ZNF407: variants seen among roughly 807,000 people sequenced by gnomAD.
ZNF407 encodes zinc finger protein 407.
In ZNF407, 17 loss-of-function variants were observed where a neutral mutation model predicts 131.2. The ratio of observed to expected loss-of-function variants is 0.13; its 90% CI spans 0.09 to 0.19. The LOEUF (loss-of-function observed/expected upper bound fraction) is 0.19. Among genes scored for constraint, ZNF407 ranks in the 10% least tolerant of loss-of-function variants. ZNF407 has a pLI of 1.00. For missense variants in ZNF407, 2,681 were observed against 2,830.6 expected (o/e 0.95, Z 1.20); for synonymous variants, 1,156 against 1,062.0 (o/e 1.09, Z -1.72).
At chr18:75,032,077 A>C (rs1217661872) in intron 8 of ZNF407, among the ~76,000 whole-genome samples, 1 of 152,178 alleles carries the variant, frequency 6.6e-6, no homozygotes, top group Non-Finnish European at 1.5e-5. Context: ...AGAAGTAGAG[A>C]CCAGCGGAAT....
chr18:74,724,574 A>G (rs1396579245), intron 3 of ZNF407, among the ~76,000 whole-genome samples: 1 of 152,012 alleles, frequency 6.6e-6, no homozygotes, highest in Non-Finnish European at 1.5e-5. Context: ...TCATGCACAC[A>G]CACGTGAAAT....
intron 8 of ZNF407, among the ~76,000 whole-genome samples, chr18:75,031,774 A>G (rs760906021): frequency 6.6e-6 from 1 of 152,210 alleles, no homozygotes; most frequent in African/African-American, 2.4e-5. Flanking sequence ...CCAAAGTTGT[A>G]CACAAGGTAA....
chr18:74,835,017 TAGG>T (rs1970535789), intron 4 of ZNF407, among the ~76,000 whole-genome samples: 1 of 152,192 alleles, frequency 6.6e-6, no homozygotes, highest in Middle Eastern at 3.2e-3. Context: ...TGCAGATAGA[TAGG>T]AGGCAAATTC....
chr18:74,637,905 A>G (rs538216676), intron 2 of ZNF407, among the ~76,000 whole-genome samples: 2 of 152,334 alleles, frequency 1.3e-5, no homozygotes, highest in Non-Finnish European at 2.9e-5. Context: ...CGTAGGAAAA[A>G]GGATCCTAGA....
At chr18:74,903,897 T>G (rs1357602199) in intron 7 of ZNF407, among the ~76,000 whole-genome samples, 1 of 152,200 alleles carries the variant, frequency 6.6e-6, no homozygotes, top group Non-Finnish European at 1.5e-5. Flanking sequence ...AATGTTTTGG[T>G]AGTCACATAT....
intron 3 of ZNF407, among the ~76,000 whole-genome samples, chr18:74,674,236 C>T: frequency 6.6e-6 from 1 of 152,192 alleles, no homozygotes. Context: ...GAAACCAGTG[C>T]TGTGCTGGAG....
chr18:74,914,565 A>T (rs1316193287), intron 7 of ZNF407, among the ~76,000 whole-genome samples: 3 of 152,218 alleles, frequency 2.0e-5, no homozygotes, highest in Non-Finnish European at 2.9e-5. Flanking sequence ...AAAGAAAAAG[A>T]TAATGCATAG....
chr18:74,820,229 G>A (rs1214459232), intron 4 of ZNF407, among the ~76,000 whole-genome samples: 1 of 152,206 alleles, frequency 6.6e-6, no homozygotes, highest in Non-Finnish European at 1.5e-5. Flanking sequence ...CACAAAACCT[G>A]GGGAGGGCAG....
chr18:74,936,449 A>G (rs1402491119), intron 8 of ZNF407, among the ~76,000 whole-genome samples: 2 of 152,192 alleles, frequency 1.3e-5, no homozygotes, highest in African/African-American at 4.8e-5. Flanking sequence ...GTGTTTGTTT[A>G]GTGAGACTCT....
At chr18:74,616,930 ACATCCATATCCACACACCACACG>A (rs1983322126) in intron 1 of ZNF407, among the ~76,000 whole-genome samples, 1 of 139,138 alleles carries the variant, frequency 7.2e-6, no homozygotes, top group Non-Finnish European at 1.6e-5. Flanking sequence ...CGCACCATAC[ACATCCATATCCACACACCACACG>A]CATCCATATC....
intron 8 of ZNF407, among the ~76,000 whole-genome samples, chr18:74,975,758 T>C (rs1402620342): frequency 6.6e-6 from 1 of 152,190 alleles, no homozygotes; most frequent in Non-Finnish European, 1.5e-5. Flanking sequence ...AGGGGGTCTT[T>C]GGGACATGAT....
intron 8 of ZNF407, among the ~76,000 whole-genome samples, chr18:74,980,269 T>C (rs1204754765): frequency 1.3e-5 from 2 of 149,210 alleles, no homozygotes; most frequent in East Asian, 3.9e-4. Context: ...TTTTTTTTTT[T>C]TTCTTTAAAG....
At chr18:74,885,671 C>T (rs1340518930) in intron 6 of ZNF407, among the ~76,000 whole-genome samples, 3 of 152,154 alleles carry the variant, frequency 2.0e-5, no homozygotes, top group African/African-American at 7.2e-5. Context: ...CAGAAATAGA[C>T]GTGTACTACA....
chr18:74,737,700 C>T (rs1968451043), intron 3 of ZNF407, among the ~76,000 whole-genome samples: 1 of 152,182 alleles, frequency 6.6e-6, no homozygotes, highest in Non-Finnish European at 1.5e-5. Flanking sequence ...TGTGTGTACA[C>T]ACATGCATAC....
chr18:74,914,434 C>T (rs895316847), intron 7 of ZNF407, among the ~76,000 whole-genome samples: 3 of 152,194 alleles, frequency 2.0e-5, no homozygotes, highest in Non-Finnish European at 2.9e-5. Flanking sequence ...CACCTTTCCC[C>T]TCCGTCACTT....
intron 8 of ZNF407, among the ~76,000 whole-genome samples, chr18:74,921,778 G>A (rs1027020575): frequency 1.3e-5 from 2 of 152,172 alleles, no homozygotes; most frequent in African/African-American, 2.4e-5. Context: ...TGATGGGGTC[G>A]TTAGTAGTGG....
intron 7 of ZNF407, among the ~76,000 whole-genome samples, chr18:74,910,897 C>T (rs895125036): frequency 6.6e-6 from 1 of 152,142 alleles, no homozygotes. Context: ...CTGACTCCTT[C>T]CCGTATCCCT....
chr18:74,762,425 C>T (rs546402052), intron 3 of ZNF407, among the ~76,000 whole-genome samples: 68 of 152,078 alleles, frequency 4.5e-4, no homozygotes, highest in Non-Finnish European at 7.2e-4. Flanking sequence ...GTATTACATA[C>T]GGAAATCTGT....
At chr18:75,038,156 T>C (rs1364926365) in intron 8 of ZNF407, among the ~76,000 whole-genome samples, 1 of 152,242 alleles carries the variant, frequency 6.6e-6, no homozygotes, top group Non-Finnish European at 1.5e-5. Context: ...TGTGGGTTTA[T>C]CAGCTAAGCT....
Sources: gnomAD v4.1 joint callset for allele counts (sites outside exome capture counted in the v4.1 genomes callset) on GRCh38, gnomAD v4.1.1 for gene constraint, MANE v1.5 for transcripts, NCBI Gene and HGNC (gene_info 2026-07-23, HGNC 2026-07-21) for gene names.